Variants in SHCBP1 observed in about 807,000 individuals in gnomAD.
SHCBP1 encodes SHC binding and spindle associated 1.
A neutral mutation model predicts 75.1 loss-of-function variants in SHCBP1; 60 were observed. The observed-to-expected ratio is 0.80, with a 90% CI of 0.65 to 0.99. The LOEUF is 0.99. Among genes scored for constraint, SHCBP1 ranks in the 50% least tolerant of loss-of-function variants. The pLI is 0.00. For missense variants in SHCBP1, 709 were observed against 809.4 expected (o/e 0.88, Z 1.50); for synonymous variants, 290 against 293.2 (o/e 0.99, Z 0.11).
At chr16:46,594,686 A>C (rs961922045) in intron 10 of SHCBP1, among the ~76,000 whole-genome samples, 5 of 145,470 alleles carry the variant, frequency 3.4e-5, no homozygotes, top group Non-Finnish European at 7.6e-5. Flanking sequence ...CGGTTTCTTT[A>C]AAAAAAAAAA....
chr16:46,582,985 A>T (rs1964896508), intron 12 of SHCBP1, among the ~76,000 whole-genome samples: 1 of 152,222 alleles, frequency 6.6e-6, no homozygotes, highest in Non-Finnish European at 1.5e-5. Context: ...ATTTCCACTG[A>T]GTTAGCTCCC....
chr16:46,595,178 G>C lies in SHCBP1; in HGVS notation c.1464+374C>G, dbSNP rs1378911343. Among the ~76,000 whole-genome samples, 3 of 152,164 alleles carry C rather than the reference G, an allele frequency of 2.0e-5. No individual in the cohort carries two copies. The East Asian group carries it at 5.8e-4, about 29-fold the overall frequency. ...GGAATATTCTTCTACTGACAGGATC[G>C]ATGTCAGTATTCTGGTTGTGATGTT... On this transcript the variant is annotated intron_variant, in intron 10 of 12. Coordinates refer to ENST00000303383, the MANE Select transcript of SHCBP1 (RefSeq NM_024745.5).
At chr16:46,617,375 C>T (rs1397515717) in intron 3 of SHCBP1, among the ~76,000 whole-genome samples, 6 of 152,168 alleles carry the variant, frequency 3.9e-5, no homozygotes, top group Admixed American at 1.3e-4. Context: ...CCATTAACTT[C>T]ATAATTAGGC....
chr16:46,615,942 C>G lies in SHCBP1; in HGVS notation c.596+4G>C. Reference sequence around the variant, plus strand: ...AGGTTATTTTTCTCAACTTCTTTTCCTACCTGACATGCTCAATTGCAAGGG... The same window carrying G: ...AGGTTATTTTTCTCAACTTCTTTTCGTACCTGACATGCTCAATTGCAAGGG... On this transcript the variant is annotated splice_donor_region_variant and intron_variant, in intron 4 of 12. Coordinates refer to ENST00000303383, the MANE Select transcript of SHCBP1 (RefSeq NM_024745.5). 4 of 1,613,952 alleles carry G rather than the reference C, an allele frequency of 2.5e-6. No homozygotes were observed. Among genetic ancestry groups the G allele is most frequent in the Non-Finnish European group, 3.4e-6 (4 of 1,179,890 alleles).
intron 4 of SHCBP1, among the ~76,000 whole-genome samples, chr16:46,614,292 C>T (rs1965462344): frequency 6.6e-6 from 1 of 152,154 alleles, no homozygotes. Context: ...ACCACGTTAA[C>T]TCACTAATGG....
chr16:46,618,464 C>T (rs933529864), intron 1 of SHCBP1, 92 bp from the exon 2 acceptor site: 7 of 1,342,782 alleles, frequency 5.2e-6, no homozygotes, highest in African/African-American at 1.5e-5. Flanking sequence ...AAACAAAATA[C>T]AAACAAGAAT....
At chr16:46,602,616 A>G (rs574058394) in intron 8 of SHCBP1, among the ~76,000 whole-genome samples, 1 of 152,272 alleles carries the variant, frequency 6.6e-6, no homozygotes, top group East Asian at 1.9e-4. Flanking sequence ...TAAATGAACA[A>G]TAAGATTATA....
rs2142996866 is a variant in SHCBP1 at position 46,580,871 on chromosome 16, AG to A, written c.*857del. The A allele has an allele frequency of 6.6e-6, 1 of 151,978 alleles. No individual in the cohort carries two copies. Among genetic ancestry groups the A allele is most frequent in the African/African-American group, 2.4e-5 (1 of 41,432 alleles). 9.4% of individuals were successfully genotyped at this position (151,978 alleles called of 1,614,324 possible). A position where few individuals can be genotyped will look rare whatever the true frequency, so the allele number is the denominator to read the frequency against. On this transcript the variant is annotated 3_prime_UTR_variant, in exon 13 of 13. Coordinates refer to ENST00000303383, the MANE Select transcript of SHCBP1 (RefSeq NM_024745.5). ...ATCCTCTAGCCTCAGCCTCCTGAGTAGCTGGAACTACATGCATGCACCACCA... is the reference window on the plus strand; with the variant it reads ...ATCCTCTAGCCTCAGCCTCCTGAGTACTGGAACTACATGCATGCACCACCA...
At chr16:46,598,671 A>C (rs548623449) in intron 9 of SHCBP1, among the ~76,000 whole-genome samples, 1 of 152,366 alleles carries the variant, frequency 6.6e-6, no homozygotes, top group African/African-American at 2.4e-5. Flanking sequence ...ACATTCACTC[A>C]TAACAAGAGA....
chr16:46,610,076 T>C (rs1057435362), intron 4 of SHCBP1, among the ~76,000 whole-genome samples: 44 of 150,878 alleles, frequency 2.9e-4, no homozygotes, highest in African/African-American at 1.0e-3. Flanking sequence ...TCAGCCTCCC[T>C]AGTAGCTCAG....
At position 46,581,601 on chromosome 16, in the gene SHCBP1, A is replaced by T; in HGVS notation, c.*128T>A. 1 of 837,064 alleles carries T rather than the reference A, an allele frequency of 1.2e-6. No homozygotes were observed. The highest frequency in any genetic ancestry group is 1.9e-6 in the Non-Finnish European group (1 of 533,182). The allele number at this position is 837,064 out of a possible 1,614,324, so 51.9% of individuals were successfully genotyped here. On this transcript the variant is annotated 3_prime_UTR_variant, in exon 13 of 13. Transcript: ENST00000303383. ...AACACCTGCAAATGGAAATAAATCT[A>T]CCTTTCACTCAAGCCCAAATAATCA...
At chr16:46,611,998 C>A (rs1965423254) in intron 4 of SHCBP1, among the ~76,000 whole-genome samples, 1 of 152,064 alleles carries the variant, frequency 6.6e-6, no homozygotes, top group African/African-American at 2.4e-5. Flanking sequence ...AAAGTGGTTC[C>A]AAGGTTGATT....
intron 8 of SHCBP1, among the ~76,000 whole-genome samples, chr16:46,602,211 TAA>T (rs1965250259): frequency 6.6e-6 from 1 of 152,320 alleles, no homozygotes; most frequent in South Asian, 2.1e-4. Flanking sequence ...TGCCAAAAAA[TAA>T]AGTGTTTTTA....
intron 4 of SHCBP1, among the ~76,000 whole-genome samples, chr16:46,613,283 G>T (rs1364803910): frequency 6.6e-6 from 1 of 152,166 alleles, no homozygotes; most frequent in African/African-American, 2.4e-5. Context: ...TCACATGATT[G>T]CACCACTGTA....
intron 10 of SHCBP1, among the ~76,000 whole-genome samples, chr16:46,594,672 T>C (rs1222168450): frequency 6.6e-6 from 1 of 152,064 alleles, no homozygotes; most frequent in Non-Finnish European, 1.5e-5. Flanking sequence ...TGAAAACATT[T>C]TAGCGGTTTC....
At chr16:46,611,509 T>G (rs910565961) in intron 4 of SHCBP1, among the ~76,000 whole-genome samples, 2 of 152,222 alleles carry the variant, frequency 1.3e-5, no homozygotes, top group African/African-American at 4.8e-5. Context: ...TCACCAAAAA[T>G]TGGAAATTGG....
chr16:46,597,531 T>G (rs1172270577), intron 9 of SHCBP1, among the ~76,000 whole-genome samples: 1 of 152,232 alleles, frequency 6.6e-6, no homozygotes, highest in Non-Finnish European at 1.5e-5. Context: ...ATATACATCT[T>G]AATTTAAGAT....
At chr16:46,620,937 A>G (rs1228857860) in intron 1 of SHCBP1, 2 of 296,386 alleles carry the variant, frequency 6.7e-6, no homozygotes, top group Non-Finnish European at 1.2e-5. Context: ...CCCTTGAGCA[A>G]CAGTAAATGC....
At chr16:46,608,493 T>TA in intron 4 of SHCBP1, 104 bp from the exon 5 acceptor site, 2 of 710,852 alleles carry the variant, frequency 2.8e-6, no homozygotes, top group Admixed American at 2.4e-5. Flanking sequence ...TCTCATATCT[T>TA]AGAGAATGCT....
Sources: gnomAD v4.1 joint callset for allele counts (sites outside exome capture counted in the v4.1 genomes callset) on GRCh38, gnomAD v4.1.1 for gene constraint, MANE v1.5 for transcripts, NCBI Gene and HGNC (gene_info 2026-07-23, HGNC 2026-07-21) for gene names.